WHAMM: variants seen among roughly 807,000 people sequenced by gnomAD.
WHAMM encodes the protein WASP homolog associated with actin, golgi membranes and microtubules, also known as WASP homolog-associated protein with actin, membranes and microtubules.
In WHAMM, 67 loss-of-function variants were observed where a neutral mutation model predicts 76.5. That is an observed-to-expected ratio of 0.88 (90% CI 0.72 to 1.07). The LOEUF (loss-of-function observed/expected upper bound fraction) is 1.07. WHAMM is among the 50% of genes least tolerant of loss of function. WHAMM has a pLI of 0.00. For synonymous variants in WHAMM, 419 were observed against 422.1 expected (o/e 0.99, Z 0.09); for missense variants, 1,021 against 1,051.1 (o/e 0.97, Z 0.40).
At chr15:82,816,162 C>T (rs1241079060) in intron 2 of WHAMM, among the ~76,000 whole-genome samples, 1 of 152,132 alleles carries the variant, frequency 6.6e-6, no homozygotes, top group Non-Finnish European at 1.5e-5. Context: ...CCCCAAAGGC[C>T]CCATCTTCAA....
intron 2 of WHAMM, among the ~76,000 whole-genome samples, chr15:82,815,522 A>G (rs2050712565): frequency 1.3e-5 from 2 of 152,066 alleles, no homozygotes; most frequent in Non-Finnish European, 2.9e-5. Flanking sequence ...AATTCTGTGA[A>G]TGTTTGTGTG....
In WHAMM at chr15:82,810,275, C is replaced by G. The variant is rs1014797931; in HGVS notation, c.549C>G (p.Arg183=). ...GCGCGGCCGACTGCGAAAGCCCGCG[C>G]GAGTTCCGGGAGCGGGCCTTGCGCG... ...EGGAADCESP[R]EFRERALRAR... The change falls in exon 1 of 10, where the codon CGC becomes CGG. Residue 183 remains arginine, a synonymous_variant. Transcript: ENST00000286760. 75 of 1,375,364 alleles carry G rather than the reference C, an allele frequency of 5.5e-5. No individual in the cohort carries two copies. In the African/African-American group the frequency reaches 1.1e-3, roughly 19 times the overall value. 85.2% of individuals were successfully genotyped at this position (1,375,364 alleles called of 1,614,324 possible). A position where few individuals can be genotyped will look rare whatever the true frequency, so the allele number is the denominator to read the frequency against.
chr15:82,831,150 C>A, intron 9 of WHAMM, 71 bp downstream of exon 9: 1 of 1,528,892 alleles, frequency 6.5e-7, no homozygotes, highest in South Asian at 1.2e-5. Context: ...GCTTCAGAAG[C>A]CATCATCTTC....
In WHAMM at chr15:82,830,828, T is replaced by C. The variant is rs2051015507; in HGVS notation, c.1871T>C (p.Val624Ala). Residue 624 changes from valine (V) to alanine (A), a missense_variant, in exon 9 of 10, where the codon GTT (valine) becomes GCT (alanine). Val to Ala is a moderately conservative substitution (Grantham distance 64). Around this residue, in one of 3 missense-constraint regions of WHAMM, gnomAD observed 509 missense variants for 492.3 expected, o/e 1.03. Coordinates refer to ENST00000286760, the MANE Select transcript of WHAMM (RefSeq NM_001080435.3). ...ATCCCTGTCCAGGTTTTTGTTCCAG[T>C]TGGTGATCAAACACATTCCAAATCC... ...GNIPVQVFVP[V>A]GDQTHSKSSE... 2 of 1,601,912 alleles carry C rather than the reference T, an allele frequency of 1.2e-6. No individual in the cohort carries two copies. The highest frequency in any genetic ancestry group is 1.3e-5 in the African/African-American group (1 of 74,790).
rs1183397784 is a variant in WHAMM, at chr15:82,823,212, C to T, written c.1383C>T (p.Leu461=). ...QDDKNLEVKE[L]RRQCQQLESK... The stretch of plus-strand genomic sequence containing the variant: ...ATAAGAATTTGGAAGTGAAAGAACT[C>T]AGAAGGCAGTGCCAGCAGCTGGAGT... The change falls in exon 6 of 10, where the codon CTC becomes CTT. Residue 461 remains leucine, a synonymous_variant. Coordinates refer to ENST00000286760, the MANE Select transcript of WHAMM (RefSeq NM_001080435.3). 3 of 1,588,744 alleles carry T rather than the reference C, an allele frequency of 1.9e-6. No individual in the cohort carries two copies. Among genetic ancestry groups the T allele is most frequent in the Non-Finnish European group, 2.6e-6 (3 of 1,164,958 alleles).
chr15:82,824,337 T>TAC lies in WHAMM; in HGVS notation c.1458+1051_1458+1052insCA, dbSNP rs2050893796. Among the ~76,000 whole-genome samples, 5 of 151,406 alleles carry TAC rather than the reference T, an allele frequency of 3.3e-5. No individual in the cohort carries two copies. In the South Asian group the frequency reaches 1.0e-3, roughly 32 times the overall value. On this transcript the variant is annotated intron_variant, in intron 6 of 9. Transcript: ENST00000286760. ...CACACCCGGCTAATATATATATATA[T>TAC]ATATTTTTGAGATGGGAGTCTCACT... is the stretch of plus-strand genomic sequence containing the variant.
At chr15:82,830,418 CT>C (rs1268218355) in intron 8 of WHAMM, among the ~76,000 whole-genome samples, 180 bp from the exon 9 acceptor site, 3 of 151,760 alleles carry the variant, frequency 2.0e-5, no homozygotes, top group South Asian at 2.1e-4. Flanking sequence ...AAATGCTTAT[CT>C]TTTTTTTAAT....
At chr15:82,811,045 C>A (rs1433555145) in intron 1 of WHAMM, among the ~76,000 whole-genome samples, 1 of 152,170 alleles carries the variant, frequency 6.6e-6, no homozygotes, top group Non-Finnish European at 1.5e-5. Context: ...GCTGGAGTCT[C>A]GGCTCACTGC....
chr15:82,820,059 A>G (rs1306897061), intron 5 of WHAMM, among the ~76,000 whole-genome samples: 1 of 152,146 alleles, frequency 6.6e-6, no homozygotes, highest in East Asian at 1.9e-4. Context: ...CGTGGTAACA[A>G]TTTGCTGTAT....
chr15:82,825,482 A>G (rs1195195106), intron 6 of WHAMM, among the ~76,000 whole-genome samples: 1 of 152,140 alleles, frequency 6.6e-6, no homozygotes, highest in Non-Finnish European at 1.5e-5. Context: ...TGATTCTGGA[A>G]ATGTTGGAAT....
rs1216192056 is a variant in WHAMM, at chr15:82,833,363, C to A, written c.2257C>A (p.Leu753Met). ...GGCTGCCATAAGGCAAGGGGTCAAACTGAAGAAAGTTCACCCTGATCTTGG... is the reference window on the plus strand; with the variant it reads ...GGCTGCCATAAGGCAAGGGGTCAAAATGAAGAAAGTTCACCCTGATCTTGG... The part of the protein sequence containing the change: ...ILAAIRQGVK[L>M]KKVHPDLGPN... Residue 753 changes from leucine to methionine, a missense_variant, in exon 10 of 10, where the codon CTG becomes ATG. Physicochemically the swap from Leu to Met is conservative, Grantham distance 15. This residue lies in a region of WHAMM where 509 missense variants were observed against 492.3 expected (regional missense o/e 1.03). Coordinates refer to ENST00000286760, the MANE Select transcript of WHAMM (RefSeq NM_001080435.3). 6.2e-7 allele frequency: 1 copy of A among 1,614,048 alleles called. No individual in the cohort carries two copies. Among genetic ancestry groups the A allele is most frequent in the Admixed American group, 1.7e-5 (1 of 60,022 alleles).
Position 82,831,076 on chromosome 15 carries a change from C to T in WHAMM, c.2119C>T (p.Pro707Ser). The change falls in exon 9 of 10, where the codon CCA becomes TCA. Residue 707 changes from proline to serine, a missense_variant. Physicochemically the swap from Pro to Ser is moderately conservative, Grantham distance 74. Transcript: ENST00000286760. ...PRDSLESFSC[P>S]GSMDEVLASL... ...TGACTCCTTGGAAAGTTTTTCATGTCCAGGTAATCCACTGGAATTCTGTCC... is the reference window on the plus strand; with the variant it reads ...TGACTCCTTGGAAAGTTTTTCATGTTCAGGTAATCCACTGGAATTCTGTCC... The T allele has an allele frequency of 1.9e-6, 3 of 1,603,460 alleles. No individual in the cohort carries two copies. The highest frequency in any genetic ancestry group is 2.5e-6 in the Non-Finnish European group (3 of 1,178,868).
Position 82,813,253 on chromosome 15 carries a change from A to C in WHAMM, c.760A>C (p.Thr254Pro). 6.3e-7 allele frequency: 1 copy of C among 1,575,286 alleles called. No individual in the cohort carries two copies. Among genetic ancestry groups the C allele is most frequent in the Non-Finnish European group, 8.6e-7 (1 of 1,164,730 alleles). Residue 254 changes from threonine (T) to proline (P), a missense_variant, in exon 2 of 10, where the codon ACT becomes CCT. Transcript: ENST00000286760. ...ATTTAGGGCTATGCGAGAAGTTGCA[A>C]CTTTATGTAAGCTTGATATTTTGGT... ...QPFRAMREVA[T>P]LCKLDILKSL... is the part of the protein sequence containing the mutation.
At chr15:82,822,493 A>G (rs1458805546) in intron 5 of WHAMM, among the ~76,000 whole-genome samples, 1 of 152,170 alleles carries the variant, frequency 6.6e-6, no homozygotes. Context: ...GCTGGAGTGC[A>G]GTGGCACGAT....
chr15:82,826,730 T>C (rs1435114332), intron 7 of WHAMM, 21 bp from the exon 8 acceptor site: 5 of 1,532,596 alleles, frequency 3.3e-6, no homozygotes, highest in Non-Finnish European at 4.4e-6. Flanking sequence ...AATTTACAAA[T>C]ATACATTTGT....
chr15:82,814,999 T>C (rs933617822), intron 2 of WHAMM, among the ~76,000 whole-genome samples: 1 of 148,800 alleles, frequency 6.7e-6, no homozygotes, highest in African/African-American at 2.5e-5. Context: ...CTTGATCTCC[T>C]GACCTCGTGA....
intron 4 of WHAMM, among the ~76,000 whole-genome samples, chr15:82,818,947 G>C (rs1325578755): frequency 1.3e-5 from 2 of 152,174 alleles, no homozygotes; most frequent in African/African-American, 4.8e-5. Context: ...TTCTAATAAA[G>C]GCACTAATCC....
At chr15:82,830,412 G>A (rs1464928756) in intron 8 of WHAMM, among the ~76,000 whole-genome samples, 187 bp from the exon 9 acceptor site, 1 of 151,958 alleles carries the variant, frequency 6.6e-6, no homozygotes, top group Non-Finnish European at 1.5e-5. Context: ...GGATATAAAT[G>A]CTTATCTTTT....
intron 1 of WHAMM, among the ~76,000 whole-genome samples, chr15:82,812,333 A>G (rs1175390926): frequency 6.6e-6 from 1 of 152,056 alleles, no homozygotes; most frequent in East Asian, 1.9e-4. Flanking sequence ...GGTTCATGCT[A>G]TTCTCCTGCC....
Sources: allele counts gnomAD v4.1 joint callset (sites outside exome capture counted in the v4.1 genomes callset), GRCh38; gene constraint gnomAD v4.1.1; regional missense constraint gnomAD v4.1.1; transcripts MANE v1.5; gene names NCBI Gene and HGNC (gene_info 2026-07-23, HGNC 2026-07-21).